HDAC8: variants seen among roughly 807,000 people sequenced by gnomAD.
HDAC8 encodes the protein histone deacetylase-like 1.
HDAC8 carries 1 observed loss-of-function variant against 32.2 expected under a neutral mutation model. That is an observed-to-expected ratio of 0.03 (90% CI 0.01 to 0.15). The LOEUF is 0.15. Ranked by LOEUF, HDAC8 falls within the 10% of genes least tolerant of loss-of-function variation. The pLI is 1.00. For missense variants in HDAC8, 117 were observed against 300.0 expected (o/e 0.39, Z 4.51); for synonymous variants, 108 against 113.9 (o/e 0.95, Z 0.33).
At chrX:72,454,865 T>C (rs1321696603) in intron 9 of HDAC8, among the ~76,000 whole-genome samples, 1 of 112,845 alleles carries the variant, frequency 8.9e-6, no homozygotes, top group Non-Finnish European at 1.9e-5. Context: ...TAAAATAGCT[T>C]ACAGCATTGT....
At chrX:72,543,739 C>A (rs1167505090) in intron 4 of HDAC8, among the ~76,000 whole-genome samples, 1 of 112,585 alleles carries the variant, frequency 8.9e-6, no homozygotes, top group East Asian at 2.8e-4. Flanking sequence ...TATTCTTGGG[C>A]TCCACCCCTA....
chrX:72,359,323 T>C lies in HDAC8; in HGVS notation c.1006-7485A>G, dbSNP rs1201416994. On this transcript the variant is annotated intron_variant, in intron 9 of 10. Coordinates refer to ENST00000373573, the MANE Select transcript of HDAC8 (RefSeq NM_018486.3). Reference sequence around the variant, plus strand: ...AGCTCCTAACATAAGGCCTGGAAAATAAAAGGCACCCAATTCATGTTTGCT... The same window carrying C: ...AGCTCCTAACATAAGGCCTGGAAAACAAAAGGCACCCAATTCATGTTTGCT... Among the ~76,000 whole-genome samples, 8 of 109,727 alleles carry C rather than the reference T, an allele frequency of 7.3e-5. No individual in the cohort carries two copies. In the Admixed American group the frequency reaches 7.8e-4, roughly 11 times the overall value.
At chrX:72,429,830 ACTGAGAGGAGGTTGCTGCTCC>A (rs1465445436) in intron 9 of HDAC8, among the ~76,000 whole-genome samples, 1 of 111,965 alleles carries the variant, frequency 8.9e-6, no homozygotes, top group Admixed American at 9.5e-5. Context: ...GGTGAAAGCA[ACTGAGAGGAGGTTGCTGCTCC>A]CTGTCACAGT....
At chrX:72,496,316 C>T (rs1367939428) in intron 4 of HDAC8, among the ~76,000 whole-genome samples, 1 of 110,113 alleles carries the variant, frequency 9.1e-6, no homozygotes, top group Non-Finnish European at 1.9e-5. Context: ...CCCTGGTTCA[C>T]AGGCTGAATC....
intron 9 of HDAC8, among the ~76,000 whole-genome samples, chrX:72,405,834 A>G (rs1456291046): frequency 8.9e-6 from 1 of 112,027 alleles, no homozygotes; most frequent in Admixed American, 9.4e-5. Flanking sequence ...ACTGATGTAT[A>G]AAGCTTCATT....
chrX:72,496,967 C>T (rs2049044424), intron 4 of HDAC8, among the ~76,000 whole-genome samples: 1 of 111,777 alleles, frequency 8.9e-6, no homozygotes, highest in Admixed American at 9.5e-5. Flanking sequence ...AAACCCTCCA[C>T]CCTTTTGCGT....
At chrX:72,359,556 C>T (rs1383162338) in intron 9 of HDAC8, among the ~76,000 whole-genome samples, 1 of 110,762 alleles carries the variant, frequency 9.0e-6, no homozygotes, top group Non-Finnish European at 1.9e-5. Context: ...GCACAGGAAG[C>T]CTTGATTCCC....
In HDAC8 at chrX:72,524,366, G is replaced by A. The variant is rs1443262615; in HGVS notation, c.438-29098C>T. ...ATACCCTATGCCCTAGGGATGCCCA[G>A]GGATGTGGCATGCATGCTGCCATTC... On this transcript the variant is annotated intron_variant, in intron 4 of 10. Transcript: ENST00000373573. 2.7e-5 allele frequency among the ~76,000 whole-genome samples: 3 copies of A among 111,865 alleles called. No homozygotes were observed. In the Admixed American group the frequency reaches 2.8e-4, roughly 11 times the overall value.
intron 9 of HDAC8, among the ~76,000 whole-genome samples, chrX:72,382,067 C>T (rs2045280472): frequency 8.9e-6 from 1 of 112,471 alleles, no homozygotes; most frequent in Admixed American, 9.4e-5. Context: ...GAGCTAGTTT[C>T]CCACCAAGCT....
At chrX:72,475,493 A>G (rs1376625627) in intron 7 of HDAC8, among the ~76,000 whole-genome samples, 1 of 111,753 alleles carries the variant, frequency 8.9e-6, no homozygotes, top group Non-Finnish European at 1.9e-5. Flanking sequence ...GAGCTCAGGT[A>G]CTGCTGACTC....
intron 9 of HDAC8, among the ~76,000 whole-genome samples, chrX:72,440,886 G>A (rs922224738): frequency 2.7e-5 from 3 of 112,690 alleles, no homozygotes; most frequent in Middle Eastern, 4.2e-3. Flanking sequence ...ATTATATCCC[G>A]CACCTGGCTT....
chrX:72,393,840 C>T (rs1423213755), intron 9 of HDAC8, among the ~76,000 whole-genome samples: 1 of 111,970 alleles, frequency 8.9e-6, no homozygotes, highest in Non-Finnish European at 1.9e-5. Context: ...TGATGAAGTT[C>T]TTGTTTTTTT....
At chrX:72,545,128 T>C (rs893844099) in intron 4 of HDAC8, among the ~76,000 whole-genome samples, 7 of 111,923 alleles carry the variant, frequency 6.3e-5, no homozygotes, top group African/African-American at 2.3e-4. Flanking sequence ...GGGTAGAAGG[T>C]CATTGGAAAT....
intron 4 of HDAC8, among the ~76,000 whole-genome samples, chrX:72,544,108 A>G (rs1036884600): frequency 8.9e-6 from 1 of 112,314 alleles, no homozygotes; most frequent in African/African-American, 3.2e-5. Context: ...TGGCTGGTCC[A>G]GGCTGTAATG....
chrX:72,571,567 T>C (rs2052067767), intron 2 of HDAC8, among the ~76,000 whole-genome samples: 1 of 72,678 alleles, frequency 1.4e-5, no homozygotes, highest in African/African-American at 5.7e-5. Context: ...TTTTTTTTTT[T>C]TTTTTTTTTT....
chrX:72,528,563 AG>A (rs2050230634), intron 4 of HDAC8, among the ~76,000 whole-genome samples: 1 of 111,872 alleles, frequency 8.9e-6, no homozygotes, highest in Non-Finnish European at 1.9e-5. Flanking sequence ...AATGTAGTAG[AG>A]GGCATCTCAG....
At chrX:72,335,227 C>G (rs912597058) in intron 10 of HDAC8, among the ~76,000 whole-genome samples, 2 of 111,865 alleles carry the variant, frequency 1.8e-5, no homozygotes, top group South Asian at 7.4e-4. Context: ...TTAAGATTCG[C>G]TTTTGGTCTT....
chrX:72,441,168 C>A (rs782455471), intron 9 of HDAC8, among the ~76,000 whole-genome samples: 1 of 112,873 alleles, frequency 8.9e-6, no homozygotes, highest in South Asian at 3.7e-4. Context: ...TGTGTGACAG[C>A]TTTGAAGAGA....
intron 9 of HDAC8, among the ~76,000 whole-genome samples, chrX:72,447,238 C>A (rs1211533659): frequency 4.5e-5 from 5 of 112,073 alleles, no homozygotes; most frequent in African/African-American, 1.6e-4. Flanking sequence ...AGCTTATCCA[C>A]CAAATCAAGT....
Sources: gnomAD v4.1 joint callset for allele counts (sites outside exome capture counted in the v4.1 genomes callset) on GRCh38, gnomAD v4.1.1 for gene constraint, MANE v1.5 for transcripts, NCBI Gene and HGNC (gene_info 2026-07-23, HGNC 2026-07-21) for gene names.